The following SLC4A10 variants were observed in gnomAD, a reference collection of about 807,000 sequenced individuals.
SLC4A10 encodes the protein sodium-driven chloride bicarbonate exchanger.
A neutral mutation model predicts 137.7 loss-of-function variants in SLC4A10; 42 were observed. The ratio of observed to expected loss-of-function variants is 0.30; its 90% CI spans 0.24 to 0.39. The LOEUF is 0.39. Among genes scored for constraint, SLC4A10 ranks in the 10% least tolerant of loss-of-function variants. The pLI, the probability that SLC4A10 is intolerant of heterozygous loss-of-function variation, is 1.00. For missense variants in SLC4A10, 925 were observed against 1,355.0 expected (o/e 0.68, Z 4.98); for synonymous variants, 474 against 464.1 (o/e 1.02, Z -0.27).
intron 1 of SLC4A10, among the ~76,000 whole-genome samples, chr2:161,747,670 T>G (rs2048525509): frequency 6.6e-6 from 1 of 152,174 alleles, no homozygotes; most frequent in African/African-American, 2.4e-5. Flanking sequence ...CCTGGAAGAC[T>G]GAATGTTATT....
At chr2:161,832,524 T>G (rs1417665968) in intron 3 of SLC4A10, among the ~76,000 whole-genome samples, 2 of 152,138 alleles carry the variant, frequency 1.3e-5, no homozygotes, top group African/African-American at 2.4e-5. Context: ...ATTCTTCTAC[T>G]CTATTGCTCA....
At chr2:161,884,561 T>A (rs2062072671) in intron 10 of SLC4A10, among the ~76,000 whole-genome samples, 1 of 152,158 alleles carries the variant, frequency 6.6e-6, no homozygotes, top group Non-Finnish European at 1.5e-5. Flanking sequence ...AATTTGAGAA[T>A]AAGCATCAAT....
Position 161,804,513 on chromosome 2 carries a change from C to T in SLC4A10, c.195C>T (p.His65=), listed in dbSNP as rs774276605. 2 of 1,613,150 alleles carry T rather than the reference C, an allele frequency of 1.2e-6. No individual in the cohort carries two copies. The highest frequency in any genetic ancestry group is 4.5e-5 in the East Asian group (2 of 44,822). ...GAGGAAGAAAAAGCCATCGACGTCA[C>T]AGGCATCGTGGTCATAAACACAGAA... ...PLGGRKSHRR[H]RHRGHKHRKR... The change falls in exon 3 of 27, where the codon CAC becomes CAT. Residue 65 remains histidine (H), a synonymous_variant. Transcript: ENST00000446997.
intron 8 of SLC4A10, among the ~76,000 whole-genome samples, chr2:161,875,677 T>C (rs1037735943): frequency 3.3e-5 from 5 of 152,236 alleles, no homozygotes; most frequent in African/African-American, 1.2e-4. Context: ...GACCCAGAGA[T>C]GGCTTCACAT....
At chr2:161,810,530 G>A (rs1320561877) in intron 3 of SLC4A10, among the ~76,000 whole-genome samples, 1 of 151,786 alleles carries the variant, frequency 6.6e-6, no homozygotes, top group African/African-American at 2.4e-5. Flanking sequence ...ATTGTTTTGA[G>A]GTATGTTTCT....
chr2:161,981,292 C>A (rs2106022770), intron 26 of SLC4A10, among the ~76,000 whole-genome samples: 1 of 152,348 alleles, frequency 6.6e-6, no homozygotes, highest in East Asian at 1.9e-4. Context: ...ACCAGTATAT[C>A]TCTGTCCTAC....
At chr2:161,851,405 G>A (rs1232302939) in intron 4 of SLC4A10, among the ~76,000 whole-genome samples, 1 of 152,132 alleles carries the variant, frequency 6.6e-6, no homozygotes, top group East Asian at 1.9e-4. Flanking sequence ...AGTATTGGGT[G>A]CATATATATT....
chr2:161,863,097 T>C, intron 6 of SLC4A10, 35 bp downstream of exon 6: 1 of 1,579,182 alleles, frequency 6.3e-7, no homozygotes, highest in Non-Finnish European at 8.7e-7. Flanking sequence ...TTATGTCTAC[T>C]ATAGGTCTCT....
chr2:161,705,519 T>A (rs1368112220), intron 1 of SLC4A10, among the ~76,000 whole-genome samples: 1 of 151,704 alleles, frequency 6.6e-6, no homozygotes. Flanking sequence ...CAATGTACGC[T>A]TTTTACTCTG....
At chr2:161,824,314 A>G (rs903202150) in intron 3 of SLC4A10, among the ~76,000 whole-genome samples, 6 of 152,242 alleles carry the variant, frequency 3.9e-5, no homozygotes, top group African/African-American at 1.4e-4. Flanking sequence ...ATGAAACTCT[A>G]GATGGATTAC....
intron 3 of SLC4A10, among the ~76,000 whole-genome samples, chr2:161,806,557 C>T (rs1357674685): frequency 6.6e-6 from 1 of 152,184 alleles, no homozygotes; most frequent in Non-Finnish European, 1.5e-5. Context: ...AATCATCTCT[C>T]TCAAGTTCAA....
chr2:161,697,878 A>C (rs2042710497), intron 1 of SLC4A10, among the ~76,000 whole-genome samples: 1 of 152,236 alleles, frequency 6.6e-6, no homozygotes, highest in South Asian at 2.1e-4. Context: ...ATGGCATTAA[A>C]TCTATAAATT....
At chr2:161,705,188 G>T (rs191954699) in intron 1 of SLC4A10, among the ~76,000 whole-genome samples, 6 of 151,362 alleles carry the variant, frequency 4.0e-5, no homozygotes, top group Admixed American at 6.6e-5. Flanking sequence ...CTAAGATATG[G>T]TATATTTATA....
chr2:161,777,657 C>T (rs931859669), intron 2 of SLC4A10, among the ~76,000 whole-genome samples: 7 of 151,886 alleles, frequency 4.6e-5, no homozygotes, highest in Non-Finnish European at 8.8e-5. Context: ...CAGAGAAGCT[C>T]CCGTTTTTAA....
intron 15 of SLC4A10, among the ~76,000 whole-genome samples, chr2:161,911,390 A>C (rs1218591131): frequency 6.6e-6 from 1 of 152,056 alleles, no homozygotes; most frequent in Non-Finnish European, 1.5e-5. Flanking sequence ...AAGGCAAGAG[A>C]AACTGGAGTG....
chr2:161,752,319 G>A (rs997206968), intron 1 of SLC4A10, among the ~76,000 whole-genome samples: 3 of 151,812 alleles, frequency 2.0e-5, no homozygotes, highest in Admixed American at 2.0e-4. Context: ...AGGTCAAGAG[G>A]ATGAAGCACT....
At chr2:161,922,741 T>C (rs1279343740) in intron 15 of SLC4A10, among the ~76,000 whole-genome samples, 4 of 152,160 alleles carry the variant, frequency 2.6e-5, no homozygotes, top group African/African-American at 9.6e-5. Context: ...TGTAGTGTGA[T>C]TTTATTATCA....
intron 1 of SLC4A10, among the ~76,000 whole-genome samples, chr2:161,697,625 G>A (rs1392027412): frequency 6.6e-6 from 1 of 152,128 alleles, no homozygotes; most frequent in African/African-American, 2.4e-5. Flanking sequence ...TAGATGTGTG[G>A]TATTATTTCT....
chr2:161,767,525 T>C (rs988101815), intron 1 of SLC4A10, among the ~76,000 whole-genome samples: 4 of 151,738 alleles, frequency 2.6e-5, no homozygotes, highest in Non-Finnish European at 4.4e-5. Flanking sequence ...ATTGTTAATG[T>C]CTAAGAATGG....
Sources: gnomAD v4.1 joint callset for allele counts (sites outside exome capture counted in the v4.1 genomes callset) on GRCh38, gnomAD v4.1.1 for gene constraint, MANE v1.5 for transcripts, NCBI Gene and HGNC (gene_info 2026-07-23, HGNC 2026-07-21) for gene names.